Variants in CHST5 observed in about 807,000 individuals in gnomAD.
The protein encoded by CHST5 is GST4-alpha.
For missense variants in CHST5, 637 were observed against 602.1 expected, an observed-to-expected ratio of 1.06 and a Z score of -0.61; for synonymous variants, 313 against 279.2, an observed-to-expected ratio of 1.12 and a Z score of -1.21.
At position 75,529,851 on chromosome 16, in the gene CHST5, C is replaced by T; in HGVS notation, c.534G>A (p.Gln178=). ...QDVCKTLCTR[Q]PFSLAREACR... ...AGGCCTCCCGGGCCAGGCTGAATGGCTGCCGCGTGCACAGTGTCTTGCATA... is the reference window on the plus strand; with the variant it reads ...AGGCCTCCCGGGCCAGGCTGAATGGTTGCCGCGTGCACAGTGTCTTGCATA... The change falls in exon 4 of 4, where the codon CAG becomes CAA. Residue 178 remains glutamine (Q), a synonymous_variant. Coordinates refer to ENST00000336257, the MANE Select transcript of CHST5 (RefSeq NM_024533.5). The T allele has an allele frequency of 6.2e-7, 1 of 1,613,598 alleles. No individual in the cohort carries two copies. Among genetic ancestry groups the T allele is most frequent in the African/African-American group, 1.3e-5 (1 of 75,058 alleles).
rs764453614 is a variant in CHST5, at chr16:75,529,311, C to T, written c.1074G>A (p.Ala358=). 16 of 1,613,046 alleles carry T rather than the reference C, an allele frequency of 9.9e-6. No homozygotes were observed. The highest frequency in any genetic ancestry group is 3.3e-5 in the South Asian group (3 of 91,066). The part of the protein sequence containing the change: ...ARNVSQAWRH[A]LPFTKILRVQ... Reference sequence around the variant, plus strand: ...CGCGCAGGATCTTAGTGAAGGGCAACGCGTGGCGCCAGGCCTGGGAGACGT... The same window carrying T: ...CGCGCAGGATCTTAGTGAAGGGCAATGCGTGGCGCCAGGCCTGGGAGACGT... Residue 358 remains alanine (A), a synonymous_variant, in exon 4 of 4, where the codon GCG becomes GCA. Transcript: ENST00000336257.
chr16:75,534,320 G>C (rs2080545927), intron 2 of CHST5, among the ~76,000 whole-genome samples: 1 of 152,104 alleles, frequency 6.6e-6, no homozygotes, highest in Non-Finnish European at 1.5e-5. Flanking sequence ...CTCTGTGACA[G>C]AGTGAGACCC....
At chr16:75,532,542 G>C (rs2550912) in intron 3 of CHST5, among the ~76,000 whole-genome samples, 39,834 of 151,800 alleles carry the variant, frequency 0.26, 5,374 homozygotes, top group Middle Eastern at 0.33. Flanking sequence ...CTGCTCCTTC[G>C]CCTCAATGCG....
In CHST5 at chr16:75,530,046, G is replaced by T. The variant is rs755641242; in HGVS notation, c.339C>A (p.Ala113=). 1 of 1,613,292 alleles carries T rather than the reference G, an allele frequency of 6.2e-7. No individual in the cohort carries two copies. The highest frequency in any genetic ancestry group is 8.5e-7 in the Non-Finnish European group (1 of 1,179,974). The change falls in exon 4 of 4, where the codon GCC becomes GCA. Residue 113 remains alanine, a synonymous_variant. Coordinates refer to ENST00000336257, the MANE Select transcript of CHST5 (RefSeq NM_024533.5). The stretch of plus-strand genomic sequence containing the variant: ...AGATAGAGCGCATCAGGTCGCGCAC[G>T]GCCATGTGCAGCGTTGCCGCGCTGC... ...SQGSAATLHM[A]VRDLMRSIFL...
Position 75,529,998 on chromosome 16 carries a change from A to T in CHST5, c.387T>A (p.Phe129Leu). The change falls in exon 4 of 4, where the codon TTT becomes TTA. Residue 129 changes from phenylalanine (F) to leucine (L), a missense_variant. Coordinates refer to ENST00000336257, the MANE Select transcript of CHST5 (RefSeq NM_024533.5). ...RSIFLCDMDV[F>L]DAYMPQSRNL... The stretch of plus-strand genomic sequence containing the variant: ...TTCGGCTCTGTGGCATGTAGGCATC[A>T]AACACGTCCATGTCGCACAAAAAGA... 6.2e-7 allele frequency: 1 copy of T among 1,613,338 alleles called. No homozygotes were observed. Among genetic ancestry groups the T allele is most frequent in the South Asian group, 1.1e-5 (1 of 91,088 alleles).
In CHST5 at chr16:75,529,840, A is replaced by T. The variant is rs897420685; in HGVS notation, c.545T>A (p.Leu182Gln). 4.3e-6 allele frequency: 7 copies of T among 1,613,578 alleles called. No homozygotes were observed. The highest frequency in any genetic ancestry group is 5.9e-6 in the Non-Finnish European group (7 of 1,179,912). Residue 182 changes from leucine to glutamine, a missense_variant, in exon 4 of 4, where the codon CTG (leucine) becomes CAG (glutamine). Leu to Gln is a moderately radical substitution (Grantham distance 113). Transcript: ENST00000336257. ...KTLCTRQPFS[L>Q]AREACRSYSH... ...GTAGGAGCGGCAGGCCTCCCGGGCC[A>T]GGCTGAATGGCTGCCGCGTGCACAG...
chr16:75,535,821 T>C (rs983803030), intron 1 of CHST5, among the ~76,000 whole-genome samples: 2 of 151,984 alleles, frequency 1.3e-5, no homozygotes, highest in African/African-American at 4.8e-5. Context: ...GCTGGCAGAG[T>C]CACTTCTCAT....
chr16:75,529,390 G>A lies in CHST5; in HGVS notation c.995C>T (p.Ser332Leu), dbSNP rs1343146958. Residue 332 changes from serine to leucine, a missense_variant, in exon 4 of 4, where the codon TCG becomes TTG. Ser to Leu is a moderately radical substitution (Grantham distance 145). Coordinates refer to ENST00000336257, the MANE Select transcript of CHST5 (RefSeq NM_024533.5). ...GGCCTCGATTGGCTTGCCGATCCCC[G>A]ACCCGTGGGTGATGTTGTGGATCCA... ...EAWIHNITHG[S>L]GIGKPIEAFH... is the part of the protein sequence containing the mutation. 2 of 1,613,020 alleles carry A rather than the reference G, an allele frequency of 1.2e-6. No homozygotes were observed. The highest frequency in any genetic ancestry group is 8.5e-7 in the Non-Finnish European group (1 of 1,179,910).
At chr16:75,531,739 T>A in intron 3 of CHST5, 99 bp from the exon 4 acceptor site, 1 of 852,524 alleles carries the variant, frequency 1.2e-6, no homozygotes, top group Non-Finnish European at 1.7e-6. Context: ...CCTGCCTGCC[T>A]TTTGCTTCAG....
At position 75,531,377 on chromosome 16, in the gene CHST5, A is replaced by C; in HGVS notation, c.-993T>G. On this transcript the variant is annotated 5_prime_UTR_variant, in exon 4 of 4. An upstream open reading frame in the 5' UTR gains an earlier in-frame stop. Coordinates refer to ENST00000336257, the MANE Select transcript of CHST5 (RefSeq NM_024533.5). The stretch of plus-strand genomic sequence containing the variant: ...CTTTTGTCATTAAAGATAAACAAGT[A>C]AATAAAGTGGACAAAGAACAGCAAC... 9.2e-7 allele frequency: 1 copy of C among 1,082,278 alleles called. No homozygotes were observed. The highest frequency in any genetic ancestry group is 1.1e-6 in the Non-Finnish European group (1 of 879,864). The allele number at this position is 1,082,278 out of a possible 1,614,324, so 67.0% of individuals were successfully genotyped here. A position where few individuals can be genotyped will look rare whatever the true frequency, so the allele number is the denominator to read the frequency against.
intron 1 of CHST5, among the ~76,000 whole-genome samples, 61 bp downstream of exon 1, chr16:75,535,983 G>T (rs1389004305): frequency 6.6e-6 from 1 of 152,152 alleles, no homozygotes; most frequent in Admixed American, 6.5e-5. Context: ...GCAGCCAAGG[G>T]ACTTGGAATC....
In CHST5 at chr16:75,529,313, C is replaced by T. The variant is rs2080489406; in HGVS notation, c.1072G>A (p.Ala358Thr). The change falls in exon 4 of 4, where the codon GCG becomes ACG. Residue 358 changes from alanine to threonine, a missense_variant. Coordinates refer to ENST00000336257, the MANE Select transcript of CHST5 (RefSeq NM_024533.5). ...ARNVSQAWRH[A>T]LPFTKILRVQ... ...CGCAGGATCTTAGTGAAGGGCAACG[C>T]GTGGCGCCAGGCCTGGGAGACGTTG... 3.1e-6 allele frequency: 5 copies of T among 1,613,170 alleles called. No homozygotes were observed. The highest frequency in any genetic ancestry group is 4.2e-6 in the Non-Finnish European group (5 of 1,179,900).
At chr16:75,533,015 A>T (rs2080536183) in intron 3 of CHST5, 74 bp downstream of exon 3, 1 of 646,850 alleles carries the variant, frequency 1.5e-6, no homozygotes, top group Non-Finnish European at 2.8e-6. Context: ...TCTGGCCCAA[A>T]CACAGTTGTC....
Position 75,529,435 on chromosome 16 carries a change from A to G in CHST5, c.950T>C (p.Leu317Pro). Residue 317 changes from leucine to proline, a missense_variant, in exon 4 of 4, where the codon CTC (leucine) becomes CCC (proline). By Grantham distance (98) the Leu-to-Pro change is moderately conservative. Transcript: ENST00000336257. ...GATCCAGGCCTCGAGCTGTGGCGTG[A>G]GGGTCAGGCCGGTGAAGGCGTAGAG... Reference protein sequence around the residue: ...RALYAFTGLTLTPQLEAWIHN... With the variant: ...RALYAFTGLTPTPQLEAWIHN... 5.0e-6 allele frequency: 8 copies of G among 1,612,812 alleles called. No individual in the cohort carries two copies. Among genetic ancestry groups the G allele is most frequent in the Non-Finnish European group, 5.9e-6 (7 of 1,179,864 alleles).
chr16:75,535,651 A>AG (rs2080555979), intron 1 of CHST5, among the ~76,000 whole-genome samples: 7 of 152,014 alleles, frequency 4.6e-5, no homozygotes, highest in Non-Finnish European at 1.0e-4. Context: ...GGGAAATGGG[A>AG]GAAGGAAGGA....
At chr16:75,532,438 G>C (rs1162799470) in intron 3 of CHST5, among the ~76,000 whole-genome samples, 1 of 152,168 alleles carries the variant, frequency 6.6e-6, no homozygotes, top group Non-Finnish European at 1.5e-5. Flanking sequence ...TTTTCTCCTT[G>C]CTCCTGCATC....
rs2080558878 is a variant in CHST5, at chr16:75,536,029, C to G, written c.-1635+15G>C. ...CCAAGGCCCCAACCTCAGCCCTAAG[C>G]CAAGACCCAGGCACCTTGATGACAC... On this transcript the variant is annotated intron_variant, in intron 1 of 3. Transcript: ENST00000336257. 6.6e-6 allele frequency among the ~76,000 whole-genome samples: 1 copy of G among 152,186 alleles called. No homozygotes were observed. Among genetic ancestry groups the G allele is most frequent in the Admixed American group, 6.5e-5 (1 of 15,288 alleles).
At position 75,529,398 on chromosome 16, in the gene CHST5, G is replaced by A; in HGVS notation, c.987C>T (p.Thr329=). The A allele has an allele frequency of 6.2e-7, 1 of 1,613,092 alleles. No individual in the cohort carries two copies. Among genetic ancestry groups the A allele is most frequent in the East Asian group, 2.2e-5 (1 of 44,886 alleles). Residue 329 remains threonine, a synonymous_variant, in exon 4 of 4, where the codon ACC becomes ACT. Transcript: ENST00000336257. ...TTGGCTTGCCGATCCCCGACCCGTG[G>A]GTGATGTTGTGGATCCAGGCCTCGA... is the stretch of plus-strand genomic sequence containing the variant. ...PQLEAWIHNI[T]HGSGIGKPIE... is the part of the protein sequence containing the mutation.
Position 75,529,742 on chromosome 16 carries a change from G to C in CHST5, c.643C>G (p.Leu215Val). The C allele has an allele frequency of 6.2e-7, 1 of 1,613,232 alleles. No individual in the cohort carries two copies. The highest frequency in any genetic ancestry group is 8.5e-7 in the Non-Finnish European group (1 of 1,179,792). ...VLYPLLSDPA[L>V]NLRIVHLVRD... ...ACCAGGTGCACGATGCGCAGGTTGA[G>C]CGCGGGGTCGCTGAGCAGCGGGTAG... The change falls in exon 4 of 4, where the codon CTC becomes GTC. Residue 215 changes from leucine (L) to valine (V), a missense_variant. Leu to Val is a conservative substitution (Grantham distance 32, BLOSUM62 1). Transcript: ENST00000336257.
Sources: allele counts gnomAD v4.1 joint callset (sites outside exome capture counted in the v4.1 genomes callset), GRCh38; gene constraint gnomAD v4.1.1; transcripts MANE v1.5; gene names NCBI Gene and HGNC (gene_info 2026-07-23, HGNC 2026-07-21).